Variants in FAM171A1 observed in about 807,000 individuals in gnomAD.
The protein encoded by FAM171A1 is protein FAM171A1.
FAM171A1 carries 23 observed loss-of-function variants against 74.9 expected under a neutral mutation model. The observed-to-expected ratio is 0.31, with a 90% CI of 0.22 to 0.44. The LOEUF (loss-of-function observed/expected upper bound fraction) is 0.44. Ranked by LOEUF, FAM171A1 falls within the 20% of genes least tolerant of loss-of-function variation. The pLI, the probability that FAM171A1 is intolerant of heterozygous loss-of-function variation, is 1.00. For synonymous variants in FAM171A1, 527 were observed against 505.7 expected, an observed-to-expected ratio of 1.04 and a Z score of -0.57; for missense variants, 1,162 against 1,159.2, an observed-to-expected ratio of 1.00 and a Z score of -0.03.
intron 1 of FAM171A1, among the ~76,000 whole-genome samples, chr10:15,332,982 C>G (rs1835658594): frequency 6.6e-6 from 1 of 152,204 alleles, no homozygotes; most frequent in Non-Finnish European, 1.5e-5. Flanking sequence ...GCCTGCACAC[C>G]AAATACCTCC....
chr10:15,372,988 A>T (rs148366796), upstream of FAM171A1, among the ~76,000 whole-genome samples: 8 of 152,222 alleles, frequency 5.3e-5, no homozygotes, highest in African/African-American at 1.9e-4. Context: ...CTTCCAGAAC[A>T]CCAGGCCAGA....
intron 1 of FAM171A1, among the ~76,000 whole-genome samples, chr10:15,298,732 G>C (rs1256470466): frequency 6.6e-6 from 1 of 152,082 alleles, no homozygotes; most frequent in East Asian, 1.9e-4. Context: ...ATATGGTAAA[G>C]TATCTAGTGA....
intron 1 of FAM171A1, among the ~76,000 whole-genome samples, chr10:15,286,106 G>C (rs577955050): frequency 3.3e-5 from 5 of 152,352 alleles, no homozygotes; most frequent in South Asian, 4.1e-4. Flanking sequence ...GCCTGGTGCA[G>C]TAAGCACCGA....
chr10:15,254,596 T>G lies in FAM171A1; in HGVS notation c.577+125A>C. On this transcript the variant is annotated intron_variant, in intron 4 of 7. Coordinates refer to ENST00000378116, the MANE Select transcript of FAM171A1 (RefSeq NM_001010924.2). ...AAAGCACTTGAACTTGTACCAAGAA[T>G]TCCCCTTCTGCACCTTCAGTGCCTT... The G allele has an allele frequency of 4.8e-6, 5 of 1,041,668 alleles. No individual in the cohort carries two copies. The South Asian group carries it at 8.4e-5, about 18-fold the overall frequency. The allele number at this position is 1,041,668 out of a possible 1,614,324, so 64.5% of individuals were successfully genotyped here.
At chr10:15,366,145 A>T (rs1235530160) in intron 1 of FAM171A1, among the ~76,000 whole-genome samples, 1 of 152,066 alleles carries the variant, frequency 6.6e-6, no homozygotes. Context: ...TTTGAGATGG[A>T]GTTTCATTCT....
intron 1 of FAM171A1, among the ~76,000 whole-genome samples, chr10:15,330,812 G>A (rs1190400577): frequency 7.0e-6 from 1 of 143,542 alleles, no homozygotes; most frequent in Non-Finnish European, 1.5e-5. Context: ...CCACCTCCCA[G>A]GTTTGAGCAA....
intron 3 of FAM171A1, among the ~76,000 whole-genome samples, chr10:15,258,454 C>T (rs995934693): frequency 1.4e-4 from 21 of 152,142 alleles, no homozygotes; most frequent in South Asian, 2.1e-4. Flanking sequence ...TTTTTGCCTT[C>T]GTCAGCAATC....
chr10:15,253,246 C>T (rs1834532634), intron 4 of FAM171A1, among the ~76,000 whole-genome samples: 1 of 152,164 alleles, frequency 6.6e-6, no homozygotes, highest in Non-Finnish European at 1.5e-5. Flanking sequence ...TCAAATGATC[C>T]ACCCACCTCG....
At chr10:15,340,933 G>A (rs1835757664) in intron 1 of FAM171A1, among the ~76,000 whole-genome samples, 1 of 152,074 alleles carries the variant, frequency 6.6e-6, no homozygotes, top group Admixed American at 6.5e-5. Flanking sequence ...GAGGGCATGG[G>A]CTTTAATGCA....
intron 1 of FAM171A1, among the ~76,000 whole-genome samples, chr10:15,332,845 G>A (rs962225593): frequency 1.3e-5 from 2 of 152,172 alleles, no homozygotes; most frequent in Non-Finnish European, 2.9e-5. Context: ...GAGGAAGGAA[G>A]AGCTCGGAAT....
At chr10:15,286,930 A>T (rs1835041669) in intron 1 of FAM171A1, among the ~76,000 whole-genome samples, 1 of 152,138 alleles carries the variant, frequency 6.6e-6, no homozygotes, top group Admixed American at 6.6e-5. Context: ...ATGCTACAGA[A>T]ACCAATCTTG....
chr10:15,350,092 G>C lies in FAM171A1; in HGVS notation c.97+20864C>G, dbSNP rs11259618. On this transcript the variant is annotated intron_variant, in intron 1 of 7. Coordinates refer to ENST00000378116, the MANE Select transcript of FAM171A1 (RefSeq NM_001010924.2). ...CAGAATTAGAGTAACACCCCTACAC[G>C]TGATGCCCCCGTGGTATGAGACCTG... 4.5e-3 allele frequency among the ~76,000 whole-genome samples: 683 copies of C among 152,150 alleles called. 7 individuals carry two copies. The highest frequency in any genetic ancestry group is 0.015 in the African/African-American group (632 of 41,510).
chr10:15,217,016 T>C (rs1181855730), intron 6 of FAM171A1, among the ~76,000 whole-genome samples: 1 of 152,190 alleles, frequency 6.6e-6, no homozygotes, highest in Non-Finnish European at 1.5e-5. Context: ...TAAAATGATA[T>C]CCATCTTTAA....
chr10:15,287,197 T>C (rs1336711182), intron 1 of FAM171A1, among the ~76,000 whole-genome samples: 1 of 147,372 alleles, frequency 6.8e-6, no homozygotes, highest in Non-Finnish European at 1.5e-5. Flanking sequence ...GTTCACGCCA[T>C]TCTCCTGCCT....
rs888521140 is a variant in FAM171A1 at position 15,276,157 on chromosome 10, CT to C, written c.326-211del. ...CAATTACTTGCCTTACAATGGTCAT[CT>C]TTTTTCATTTGTTAGAAGTTTTCTT... On this transcript the variant is annotated intron_variant, in intron 2 of 7. Transcript: ENST00000378116. 5.5e-4 allele frequency among the ~76,000 whole-genome samples: 84 copies of C among 152,116 alleles called. 2 individuals carry two copies. Among genetic ancestry groups the C allele is most frequent in the Admixed American group, 4.8e-3 (73 of 15,262 alleles).
intron 1 of FAM171A1, among the ~76,000 whole-genome samples, chr10:15,298,430 G>A (rs777897357): frequency 6.6e-6 from 1 of 152,110 alleles, no homozygotes; most frequent in Non-Finnish European, 1.5e-5. Flanking sequence ...CACCACACCC[G>A]GCCATGAATC....
chr10:15,305,664 T>TAAA (rs59843893), intron 1 of FAM171A1, among the ~76,000 whole-genome samples: 15,145 of 52,754 alleles, frequency 0.29, 3,977 homozygotes, highest in East Asian at 0.81. Context: ...GAGATCTGGC[T>TAAA]AAAAAAAAAA....
At chr10:15,314,427 C>G (rs1448473568) in intron 1 of FAM171A1, among the ~76,000 whole-genome samples, 1 of 152,106 alleles carries the variant, frequency 6.6e-6, no homozygotes, top group Non-Finnish European at 1.5e-5. Context: ...GCTGGCCATA[C>G]GGGGAAGACT....
intron 6 of FAM171A1, among the ~76,000 whole-genome samples, chr10:15,217,654 T>C (rs1833983490): frequency 6.6e-6 from 1 of 151,952 alleles, no homozygotes; most frequent in Admixed American, 6.6e-5. Context: ...TTTTTTTTTT[T>C]GAGACGGAGT....
Sources: allele counts gnomAD v4.1 joint callset (sites outside exome capture counted in the v4.1 genomes callset), GRCh38; gene constraint gnomAD v4.1.1; transcripts MANE v1.5; gene names NCBI Gene and HGNC (gene_info 2026-07-23, HGNC 2026-07-21).